The following ORC4 variants were observed in gnomAD, a reference collection of about 807,000 sequenced individuals.
ORC4 encodes origin recognition complex, subunit 4 homolog.
ORC4 carries 55 observed loss-of-function variants against 63.9 expected under a neutral mutation model. The observed-to-expected ratio is 0.86, with a 90% confidence interval of 0.69 to 1.08. The LOEUF (loss-of-function observed/expected upper bound fraction) is 1.08, where lower values mean the gene tolerates loss of function less well. ORC4 is among the 50% of genes least tolerant of loss of function. ORC4 has a pLI of 0.00. For synonymous variants in ORC4, 150 were observed against 168.5 expected (o/e 0.89, Z 0.85); for missense variants, 511 against 504.4 (o/e 1.01, Z -0.13).
chr2:148,012,724 T>C (rs142349569), intron 1 of ORC4, among the ~76,000 whole-genome samples: 197 of 151,856 alleles, frequency 1.3e-3, no homozygotes, highest in African/African-American at 4.5e-3. Context: ...CCAGAATATA[T>C]AAGAATCTCA....
At chr2:147,953,826 A>C (rs1177411549) in intron 7 of ORC4, among the ~76,000 whole-genome samples, 1 of 152,160 alleles carries the variant, frequency 6.6e-6, no homozygotes, top group Non-Finnish European at 1.5e-5. Flanking sequence ...TGATAAAAGA[A>C]AGACTTATTT....
At chr2:147,990,000 T>A (rs986614233) in intron 1 of ORC4, among the ~76,000 whole-genome samples, 3 of 152,186 alleles carry the variant, frequency 2.0e-5, no homozygotes, top group Admixed American at 6.5e-5. Flanking sequence ...AAAAGAACTC[T>A]TAGTAAATTA....
intron 1 of ORC4, among the ~76,000 whole-genome samples, chr2:148,001,842 G>A (rs1443762337): frequency 4.6e-5 from 7 of 151,922 alleles, no homozygotes; most frequent in East Asian, 3.9e-4. Context: ...AAGACCCATC[G>A]GTGTGCTATA....
At chr2:147,970,668 C>A (rs555257455) in intron 4 of ORC4, among the ~76,000 whole-genome samples, 1 of 147,972 alleles carries the variant, frequency 6.8e-6, no homozygotes, top group Non-Finnish European at 1.5e-5. Flanking sequence ...ACATCTTTCA[C>A]AAAAATTAAC....
chr2:148,006,020 C>T (rs1261413010), intron 1 of ORC4, among the ~76,000 whole-genome samples: 1 of 152,038 alleles, frequency 6.6e-6, no homozygotes, highest in Admixed American at 6.6e-5. Context: ...ACAAAAAATC[C>T]AAAATCAGGT....
chr2:147,957,096 T>C (rs1379575198), intron 6 of ORC4, among the ~76,000 whole-genome samples: 3 of 148,054 alleles, frequency 2.0e-5, no homozygotes, highest in African/African-American at 7.3e-5. Flanking sequence ...TTAATATTTT[T>C]ATAGATTAAT....
intron 4 of ORC4, among the ~76,000 whole-genome samples, chr2:147,971,587 TAA>T (rs1690214787): frequency 1.3e-5 from 2 of 151,806 alleles, no homozygotes; most frequent in South Asian, 2.1e-4. Flanking sequence ...ATGGTTAAAA[TAA>T]AAAGTTTCTT....
At chr2:147,963,073 C>T (rs1186261435) in intron 4 of ORC4, among the ~76,000 whole-genome samples, 1 of 152,096 alleles carries the variant, frequency 6.6e-6, no homozygotes, top group East Asian at 1.9e-4. Flanking sequence ...CTTGTGCTCA[C>T]CTCCCAAACC....
At position 148,017,393 on chromosome 2, in the gene ORC4, C is replaced by T. The variant is rs1033478410; in HGVS notation, c.-18+3240G>A. Among the ~76,000 whole-genome samples, 5 of 152,304 alleles carry T rather than the reference C, an allele frequency of 3.3e-5. No individual in the cohort carries two copies. In the South Asian group the frequency reaches 8.3e-4, roughly 25 times the overall value. On this transcript the variant is annotated intron_variant, in intron 1 of 13. Transcript: ENST00000392857. ...TTTTTATATAATTTGCAGCTAATGC[C>T]GGGTGCAGTGGCTCACGTCTGTGAT... is the stretch of plus-strand genomic sequence containing the variant.
chr2:147,937,852 C>T (rs919442636), intron 13 of ORC4: 6 of 345,832 alleles, frequency 1.7e-5, no homozygotes, highest in Admixed American at 4.5e-5. Flanking sequence ...TTATAAAAGC[C>T]AATCCTTGGG....
At chr2:148,002,614 T>C (rs997147676) in intron 1 of ORC4, among the ~76,000 whole-genome samples, 1 of 151,934 alleles carries the variant, frequency 6.6e-6, no homozygotes, top group African/African-American at 2.4e-5. Context: ...GCTAAAGCAG[T>C]GTGTAGAGGG....
chr2:147,975,864 G>A (rs747269542), intron 2 of ORC4, 38 bp downstream of exon 2: 1 of 1,168,654 alleles, frequency 8.6e-7, no homozygotes, highest in East Asian at 2.3e-5. Context: ...AGCTTTACAG[G>A]GTAAAATATC....
At chr2:147,936,937 TA>T (rs1246828097) in intron 13 of ORC4, 1 of 145,382 alleles carries the variant, frequency 6.9e-6, no homozygotes, top group East Asian at 2.1e-4. Flanking sequence ...GAGAATCGCT[TA>T]ACTTGGGAGG....
intron 1 of ORC4, among the ~76,000 whole-genome samples, chr2:147,995,252 A>C (rs909911593): frequency 6.6e-6 from 1 of 151,754 alleles, no homozygotes; most frequent in African/African-American, 2.4e-5. Flanking sequence ...AGTATTGTAA[A>C]TGCACCAATC....
chr2:148,002,326 C>T (rs558709910), intron 1 of ORC4, among the ~76,000 whole-genome samples: 1 of 152,300 alleles, frequency 6.6e-6, no homozygotes, highest in African/African-American at 2.4e-5. Flanking sequence ...CTCAGCACCA[C>T]ATCGCACTTA....
At chr2:147,946,262 T>TCTTCTTC (rs1688653992) in intron 9 of ORC4, among the ~76,000 whole-genome samples, 1 of 151,836 alleles carries the variant, frequency 6.6e-6, no homozygotes, top group Non-Finnish European at 1.5e-5. Context: ...GACCATGTAG[T>TCTTCTTC]TACCTTAAGA....
intron 5 of ORC4, 63 bp from the exon 6 acceptor site, chr2:147,958,446 T>G (rs1316968465): frequency 8.3e-7 from 1 of 1,205,858 alleles, no homozygotes; most frequent in Non-Finnish European, 1.2e-6. Flanking sequence ...TACAGCAGGT[T>G]GTTTTCCAGT....
intron 4 of ORC4, among the ~76,000 whole-genome samples, chr2:147,960,570 T>C (rs1483265184): frequency 6.6e-6 from 1 of 152,188 alleles, no homozygotes; most frequent in African/African-American, 2.4e-5. Context: ...CATACTAAGA[T>C]AATTTTCTTA....
At chr2:147,989,949 C>G (rs956959187) in intron 1 of ORC4, among the ~76,000 whole-genome samples, 11 of 152,074 alleles carry the variant, frequency 7.2e-5, no homozygotes, top group Non-Finnish European at 1.5e-4. Flanking sequence ...TACTTTGAGG[C>G]AAAACCTTAC....
Sources: gnomAD v4.1 joint callset for allele counts (sites outside exome capture counted in the v4.1 genomes callset) on GRCh38, gnomAD v4.1.1 for gene constraint, MANE v1.5 for transcripts, NCBI Gene and HGNC (gene_info 2026-07-23, HGNC 2026-07-21) for gene names.